The following SCNN1B variants were observed in gnomAD, a reference collection of about 807,000 sequenced individuals.
SCNN1B encodes the protein sodium channel epithelial 1 subunit beta.
SCNN1B carries 46 observed loss-of-function variants against 65.3 expected under a neutral mutation model. The observed-to-expected ratio is 0.70, with a 90% CI of 0.56 to 0.90. SCNN1B has a LOEUF of 0.90. Among genes scored for constraint, SCNN1B ranks in the 40% least tolerant of loss-of-function variants. The probability of loss-of-function intolerance (pLI) is 0.00; values close to 1 mark genes in which losing one functional copy is unlikely to be tolerated. For missense variants in SCNN1B, 751 were observed against 830.5 expected, an observed-to-expected ratio of 0.90 and a Z score of 1.18; for synonymous variants, 349 against 330.6, an observed-to-expected ratio of 1.06 and a Z score of -0.60.
intron 1 of SCNN1B, among the ~76,000 whole-genome samples, chr16:23,334,059 G>T (rs1961885100): frequency 1.3e-5 from 2 of 152,168 alleles, no homozygotes; most frequent in Admixed American, 6.5e-5. Context: ...GTTGCTCCCT[G>T]CCCCATAGAA....
intron 5 of SCNN1B, among the ~76,000 whole-genome samples, chr16:23,368,413 G>A (rs776182896): frequency 7.2e-5 from 11 of 152,016 alleles, no homozygotes; most frequent in Non-Finnish European, 1.2e-4. Flanking sequence ...ATGATGGCAC[G>A]TACCTGTAGT....
chr16:23,376,769 G>GA (rs1033856688), intron 8 of SCNN1B, among the ~76,000 whole-genome samples: 169 of 141,904 alleles, frequency 1.2e-3, no homozygotes, highest in African/African-American at 4.0e-3. Flanking sequence ...AAGAAAGAAA[G>GA]AAAAAAAAAA....
Position 23,304,225 on chromosome 16 carries a change from C to T in SCNN1B, c.-9+1788C>T, listed in dbSNP as rs993125862. ...AGGGGATGAGGTCCTCTCTTTTCCACTGCTCACATACGGACCCATGAATGC... is the reference window on the plus strand; with the variant it reads ...AGGGGATGAGGTCCTCTCTTTTCCATTGCTCACATACGGACCCATGAATGC... On this transcript the variant is annotated intron_variant, in intron 1 of 12. Transcript: ENST00000343070. 4.0e-6 allele frequency: 3 copies of T among 740,904 alleles called. No individual in the cohort carries two copies. In the African/African-American group the frequency reaches 5.2e-5, roughly 13 times the overall value. The allele number at this position is 740,904 out of a possible 1,614,324, so 45.9% of individuals were successfully genotyped here. A position where few individuals can be genotyped will look rare whatever the true frequency, so the allele number is the denominator to read the frequency against.
At chr16:23,334,175 C>T (rs1961887603) in intron 1 of SCNN1B, among the ~76,000 whole-genome samples, 1 of 152,142 alleles carries the variant, frequency 6.6e-6, no homozygotes, top group African/African-American at 2.4e-5. Flanking sequence ...CACCACCCAA[C>T]ACGTGGGGCA....
At chr16:23,372,050 C>G (rs1365985517) in intron 7 of SCNN1B, 167 bp downstream of exon 7, 2 of 686,558 alleles carry the variant, frequency 2.9e-6, no homozygotes, top group Non-Finnish European at 5.3e-6. Context: ...TTCCTGGGCT[C>G]TCTCACCAGG....
At chr16:23,345,830 G>C (rs911971391) in intron 1 of SCNN1B, among the ~76,000 whole-genome samples, 6 of 152,192 alleles carry the variant, frequency 3.9e-5, no homozygotes, top group Non-Finnish European at 5.9e-5. Flanking sequence ...GAAGGGAAAG[G>C]CTCTCAGAGG....
chr16:23,365,617 GAAA>G (rs10559067), intron 4 of SCNN1B, among the ~76,000 whole-genome samples: 2,540 of 64,336 alleles, frequency 0.039, 136 homozygotes, highest in African/African-American at 0.11. Flanking sequence ...AAGAAAGAAA[GAAA>G]AAAGAAAGAA....
intron 1 of SCNN1B, among the ~76,000 whole-genome samples, chr16:23,312,790 C>T (rs1375263810): frequency 2.0e-5 from 3 of 152,112 alleles, no homozygotes; most frequent in Non-Finnish European, 4.4e-5. Context: ...GATCCCTTGG[C>T]ACCAGATGAT....
chr16:23,322,016 C>A (rs950290885), intron 1 of SCNN1B, among the ~76,000 whole-genome samples: 2 of 152,068 alleles, frequency 1.3e-5, no homozygotes, highest in Non-Finnish European at 2.9e-5. Flanking sequence ...CAGAGTGAGA[C>A]CCTGTCTCAA....
rs561155816 is a variant in SCNN1B at position 23,343,606 on chromosome 16, A to G, written c.-8-4986A>G. ...GAGAAAGAAAGAAAGAAAGAAAGAAAGAAAGAAAGAAAGAAAGAAAGAAAG... is the reference window on the plus strand; with the variant it reads ...GAGAAAGAAAGAAAGAAAGAAAGAAGGAAAGAAAGAAAGAAAGAAAGAAAG... On this transcript the variant is annotated intron_variant, in intron 1 of 12. Transcript: ENST00000343070. Among the ~76,000 whole-genome samples the G allele has an allele frequency of 1.7e-4, 20 of 119,738 alleles. No homozygotes were observed. The East Asian group carries it at 5.3e-3, about 32-fold the overall frequency. 78.6% of individuals were successfully genotyped at this position (119,738 alleles called of 152,430 possible). A position where few individuals can be genotyped will look rare whatever the true frequency, so the allele number is the denominator to read the frequency against.
At chr16:23,331,777 T>A (rs1192070000) in intron 1 of SCNN1B, among the ~76,000 whole-genome samples, 1 of 152,114 alleles carries the variant, frequency 6.6e-6, no homozygotes, top group Non-Finnish European at 1.5e-5. Flanking sequence ...AGCTCAGAAT[T>A]AGCACAGGAG....
At chr16:23,316,451 A>ACCATTC (rs1961467740) in intron 1 of SCNN1B, among the ~76,000 whole-genome samples, 1 of 148,096 alleles carries the variant, frequency 6.8e-6, no homozygotes, top group Non-Finnish European at 1.5e-5. Context: ...CATCATCATC[A>ACCATTC]TCACCATCAC....
At chr16:23,286,888 C>T (rs1960857727) in intron 2 of SCNN1B, among the ~76,000 whole-genome samples, 1 of 152,044 alleles carries the variant, frequency 6.6e-6, no homozygotes, top group South Asian at 2.1e-4. Context: ...CCCAGGAGTT[C>T]AAGACCAGCC....
Position 23,367,227 on chromosome 16 carries a change from T to A in SCNN1B, c.777-629T>A, listed in dbSNP as rs139593427. ...TAGGTTCCGGGGCTGAGGACATGGA[T>A]GTGCCTCTTTTGAGGTGTATACGAG... On this transcript the variant is annotated intron_variant, in intron 4 of 12. Coordinates refer to ENST00000343070, the MANE Select transcript of SCNN1B (RefSeq NM_000336.3). Among the ~76,000 whole-genome samples the A allele has an allele frequency of 9.8e-5, 15 of 152,338 alleles. No individual in the cohort carries two copies. The East Asian group carries it at 2.5e-3, about 25-fold the overall frequency.
intron 1 of SCNN1B, among the ~76,000 whole-genome samples, chr16:23,324,694 C>A (rs1961656266): frequency 6.6e-6 from 1 of 152,096 alleles, no homozygotes. Flanking sequence ...CCCATCCTAC[C>A]CCACCCCACA....
In SCNN1B at chr16:23,290,890, C is replaced by A. The variant is rs182126966; in HGVS notation, n.178+7086C>A. On this transcript the variant is annotated intron_variant and non_coding_transcript_variant, in intron 2 of 3. Coordinates refer to the SCNN1B transcript ENST00000569789. ...AAGTGAATCTGACTCATTAAGCATA[C>A]AATTGTCTGAAAGACTTGGTCATAA... 6.6e-5 allele frequency among the ~76,000 whole-genome samples: 10 copies of A among 152,240 alleles called. No homozygotes were observed. In the East Asian group the frequency reaches 1.9e-3, roughly 29 times the overall value.
intron 1 of SCNN1B, among the ~76,000 whole-genome samples, chr16:23,283,580 T>C (rs1960811250): frequency 6.6e-6 from 1 of 152,232 alleles, no homozygotes; most frequent in Non-Finnish European, 1.5e-5. Context: ...CTACTGAATA[T>C]ATATGGCATT....
chr16:23,279,140 A>C (rs941846009), intron 1 of SCNN1B, among the ~76,000 whole-genome samples: 11 of 151,668 alleles, frequency 7.3e-5, no homozygotes, highest in Non-Finnish European at 1.0e-4. Flanking sequence ...GCAGTGGAGC[A>C]ATCTTGGCTC....
In SCNN1B at chr16:23,283,236, C is replaced by G. The variant is rs571345254; in HGVS notation, n.111-501C>G. Among the ~76,000 whole-genome samples the G allele has an allele frequency of 3.5e-4, 53 of 152,220 alleles. 1 individual carries two copies. Among genetic ancestry groups the G allele is most frequent in the African/African-American group, 1.3e-3 (52 of 41,522 alleles). On this transcript the variant is annotated intron_variant and non_coding_transcript_variant, in intron 1 of 3. Coordinates refer to the SCNN1B transcript ENST00000569789. ...GACCAGCCTGGCCAACATGGTGAAA[C>G]CCCATCTCTACCAAAAAGACAAAAA...
Sources: allele counts gnomAD v4.1 joint callset (sites outside exome capture counted in the v4.1 genomes callset), GRCh38; gene constraint gnomAD v4.1.1; transcripts MANE v1.5; gene names NCBI Gene and HGNC (gene_info 2026-07-23, HGNC 2026-07-21).